RBFOX3: variants seen among roughly 807,000 people sequenced by gnomAD.
RBFOX3 encodes RNA binding fox-1 homolog 3.
Under a neutral mutation model 48.7 loss-of-function variants are expected in RBFOX3, and 17 were observed. That is an observed-to-expected ratio of 0.35 (90% confidence interval 0.24 to 0.52). The LOEUF (loss-of-function observed/expected upper bound fraction) is 0.52. Ranked by LOEUF, RBFOX3 falls within the 20% of genes least tolerant of loss-of-function variation. RBFOX3 has a pLI of 0.94. For missense variants in RBFOX3, 382 were observed against 497.5 expected, an observed-to-expected ratio of 0.77 and a Z score of 2.21; for synonymous variants, 212 against 209.5, an observed-to-expected ratio of 1.01 and a Z score of -0.10.
rs1203487820 is a variant in RBFOX3, at chr17:79,090,863, G to A, written c.*20C>T. 6.6e-7 allele frequency: 1 copy of A among 1,524,612 alleles called. No homozygotes were observed. The highest frequency in any genetic ancestry group is 8.8e-7 in the Non-Finnish European group (1 of 1,137,802). 94.4% of individuals were successfully genotyped at this position (1,524,612 alleles called of 1,614,324 possible). Reference sequence around the variant, plus strand: ...TTTGTTTTTGCCCTTCATGGTCCGAGAAGGAAACGGTGGAAGGTTTCACTA... The same window carrying A: ...TTTGTTTTTGCCCTTCATGGTCCGAAAAGGAAACGGTGGAAGGTTTCACTA... On this transcript the variant is annotated 3_prime_UTR_variant, in exon 15 of 15. Transcript: ENST00000693108.
At chr17:79,387,367 G>A (rs1598472169) in intron 2 of RBFOX3, among the ~76,000 whole-genome samples, 1 of 152,214 alleles carries the variant, frequency 6.6e-6, no homozygotes, top group African/African-American at 2.4e-5. Flanking sequence ...TCACAGGCGT[G>A]AGTCAAAACA....
intron 4 of RBFOX3, among the ~76,000 whole-genome samples, chr17:79,140,741 C>T (rs907150128): frequency 1.3e-5 from 2 of 152,228 alleles, no homozygotes; most frequent in Admixed American, 6.5e-5. Context: ...AGAAAAGGCC[C>T]GGAGAAGTTC....
chr17:79,381,675 G>A (rs2059947200), intron 2 of RBFOX3, among the ~76,000 whole-genome samples: 1 of 152,246 alleles, frequency 6.6e-6, no homozygotes, highest in South Asian at 2.1e-4. Flanking sequence ...ATTGAGGTAG[G>A]GGCAGAGTTG....
intron 5 of RBFOX3, among the ~76,000 whole-genome samples, chr17:79,112,904 C>CGGCGGGGGGG (rs1307784460): frequency 0.012 from 121 of 10,210 alleles, 3 homozygotes; most frequent in East Asian, 0.021. Context: ...AGCAGGCTCT[C>CGGCGGGGGGG]GGGGGGGGGG....
chr17:79,643,640 T>C, the RBFOX3 span, among the ~76,000 whole-genome samples: 1 of 152,182 alleles, frequency 6.6e-6, no homozygotes, highest in Non-Finnish European at 1.5e-5. Flanking sequence ...ATAAGATATA[T>C]GGGAAAATCC....
intron 4 of RBFOX3, among the ~76,000 whole-genome samples, chr17:79,229,336 C>G (rs1373120752): frequency 6.8e-6 from 1 of 147,382 alleles, no homozygotes; most frequent in African/African-American, 2.5e-5. Context: ...GAGGGCAGAT[C>G]ACTTGAGGTC....
At chr17:79,217,827 A>G (rs1022075488) in intron 4 of RBFOX3, among the ~76,000 whole-genome samples, 1 of 152,112 alleles carries the variant, frequency 6.6e-6, no homozygotes, top group African/African-American at 2.4e-5. Flanking sequence ...AACACGGCAG[A>G]TGTTCAGATT....
At chr17:79,591,331 G>A (rs2093410086) in intron 1 of RBFOX3, among the ~76,000 whole-genome samples, 1 of 152,162 alleles carries the variant, frequency 6.6e-6, no homozygotes, top group Non-Finnish European at 1.5e-5. Flanking sequence ...AACTCAGAGT[G>A]TTGTCACAGC....
chr17:79,241,831 C>T (rs748901586), intron 3 of RBFOX3, among the ~76,000 whole-genome samples: 20 of 152,318 alleles, frequency 1.3e-4, no homozygotes, highest in Non-Finnish European at 2.4e-4. Flanking sequence ...AGCGTGAAAG[C>T]AGTCTCCCTG....
chr17:79,218,960 G>A (rs1347724133), intron 4 of RBFOX3, among the ~76,000 whole-genome samples: 2 of 152,186 alleles, frequency 1.3e-5, no homozygotes, highest in Non-Finnish European at 2.9e-5. Context: ...ACTCCCAGGG[G>A]CCATCCGTCC....
intron 1 of RBFOX3, among the ~76,000 whole-genome samples, chr17:79,565,543 G>A (rs1249936634): frequency 3.3e-5 from 5 of 152,050 alleles, no homozygotes; most frequent in Non-Finnish European, 7.4e-5. Context: ...GTTTCACCAT[G>A]TTGGTCAGGC....
chr17:79,597,732 A>C (rs2145242507), intron 1 of RBFOX3, among the ~76,000 whole-genome samples: 1 of 152,274 alleles, frequency 6.6e-6, no homozygotes, highest in East Asian at 1.9e-4. Flanking sequence ...CTTTCCCAGG[A>C]GGGAGGACAG....
At chr17:79,460,109 G>A (rs2075176280) in intron 2 of RBFOX3, among the ~76,000 whole-genome samples, 1 of 152,156 alleles carries the variant, frequency 6.6e-6, no homozygotes, top group African/African-American at 2.4e-5. Flanking sequence ...GGGAGGGGAT[G>A]GGGAGAGGCT....
rs1170322286 is a variant in RBFOX3, at chr17:79,205,489, A to G, written c.-34+30277T>C. 6.6e-6 allele frequency among the ~76,000 whole-genome samples: 1 copy of G among 152,168 alleles called. No individual in the cohort carries two copies. The highest frequency in any genetic ancestry group is 1.5e-5 in the Non-Finnish European group (1 of 68,030). ...ACGTAGGAGTGCCAAATGGGAGCCT[A>G]TAAAACCTCCCTAACCCCCAGCTAA... On this transcript the variant is annotated intron_variant, in intron 4 of 14. Transcript: ENST00000693108. This position sits in a 1 kb window ranked among gnomAD's most constrained non-coding sequence, Gnocchi z 4.5.
At chr17:79,476,641 T>C (rs2077804351) in intron 2 of RBFOX3, among the ~76,000 whole-genome samples, 4 of 152,134 alleles carry the variant, frequency 2.6e-5, no homozygotes, top group African/African-American at 9.7e-5. Context: ...TGATGTCTTC[T>C]CATCTCCTCT....
At chr17:79,529,822 A>G (rs1415926597) in intron 1 of RBFOX3, among the ~76,000 whole-genome samples, 1 of 152,198 alleles carries the variant, frequency 6.6e-6, no homozygotes, top group Non-Finnish European at 1.5e-5. Context: ...AACTCCGGCC[A>G]GGGCCAAACC....
chr17:79,609,611 A>G (rs1214302835), intron 1 of RBFOX3, among the ~76,000 whole-genome samples: 4 of 151,900 alleles, frequency 2.6e-5, no homozygotes, highest in African/African-American at 9.7e-5. Flanking sequence ...GTTTCTCCCC[A>G]CCTCGCTGGG....
chr17:79,374,043 A>T (rs2147734014), intron 2 of RBFOX3, among the ~76,000 whole-genome samples: 1 of 152,170 alleles, frequency 6.6e-6, no homozygotes, highest in Admixed American at 6.5e-5. Context: ...TTGGACTTTT[A>T]GTAGAGACGG....
intron 2 of RBFOX3, among the ~76,000 whole-genome samples, chr17:79,328,498 G>A (rs1176692876): frequency 1.3e-5 from 2 of 152,126 alleles, no homozygotes; most frequent in South Asian, 2.1e-4. Context: ...ATTCATCACT[G>A]TATTTCATTT....
Sources: allele counts gnomAD v4.1 joint callset (sites outside exome capture counted in the v4.1 genomes callset), GRCh38; gene constraint gnomAD v4.1.1; non-coding constraint Gnocchi (gnomAD v3.1); transcripts MANE v1.5; gene names NCBI Gene and HGNC (gene_info 2026-07-23, HGNC 2026-07-21).